The following CCNA2 variants were observed in gnomAD, a reference collection of about 807,000 sequenced individuals.
CCNA2 encodes the protein cyclin A2, also known as cyclin-A2.
Under a neutral mutation model 49.4 loss-of-function variants are expected in CCNA2, and 3 were observed. That is an observed-to-expected ratio of 0.06 (90% CI 0.03 to 0.16). The LOEUF is 0.16. Ranked by LOEUF, CCNA2 falls within the 10% of genes least tolerant of loss-of-function variation. The pLI is 1.00. For missense variants in CCNA2, 372 were observed against 519.7 expected (o/e 0.72, Z 2.76); for synonymous variants, 206 against 197.2 (o/e 1.04, Z -0.37).
chr4:121,821,005 T>C lies in CCNA2; in HGVS notation c.544A>G (p.Ile182Val). The change falls in exon 3 of 8, where the codon ATT (isoleucine) becomes GTT (valine). Residue 182 changes from isoleucine to valine, a missense_variant. This residue lies in a region of CCNA2 where 155 missense variants were observed against 288.1 expected (regional missense o/e 0.54). Coordinates refer to ENST00000274026, the MANE Select transcript of CCNA2 (RefSeq NM_001237.5). ...VNEVPDYHEDIHTYLREMEVK... is the reference protein window; with the variant it reads ...VNEVPDYHEDVHTYLREMEVK... ...TCCATTTCCCTAAGGTATGTGTGAATATCCTCATGGTAGTCTGGTACTTCA... is the reference window on the plus strand; with the variant it reads ...TCCATTTCCCTAAGGTATGTGTGAACATCCTCATGGTAGTCTGGTACTTCA... The C allele has an allele frequency of 6.2e-7, 1 of 1,612,958 alleles. No homozygotes were observed. The highest frequency in any genetic ancestry group is 8.5e-7 in the Non-Finnish European group (1 of 1,179,066).
In CCNA2 at chr4:121,816,971, A is replaced by AAAT. The variant is rs1433381693; in HGVS notation, c.*664_*666dup. 3.6e-6 allele frequency: 4 copies of AAAT among 1,117,402 alleles called. No individual in the cohort carries two copies. The highest frequency in any genetic ancestry group is 2.1e-5 in the South Asian group (1 of 48,122). The allele number at this position is 1,117,402 out of a possible 1,614,324, so 69.2% of individuals were successfully genotyped here. A position where few individuals can be genotyped will look rare whatever the true frequency, so the allele number is the denominator to read the frequency against. On this transcript the variant is annotated 3_prime_UTR_variant, in exon 8 of 8. Transcript: ENST00000274026. ...ATTATAAAATCTAGCAGGATTTTAA[A>AAAT]AATAGTTTTTTGTTTTTAATGTGCT...
rs918725360 is a variant in CCNA2 at position 121,823,574 on chromosome 4, G to C, written c.55C>G (p.Leu19Val). The stretch of plus-strand genomic sequence containing the variant: ...TGGAGCGCCGTCTGCTGCAATGCTA[G>C]CAGCGCCGAGCCCGCCTCGCGGGTC... ...PATREAGSALLALQQTALQED... is the reference protein window; with the variant it reads ...PATREAGSALVALQQTALQED... Residue 19 changes from leucine to valine, a missense_variant, in exon 1 of 8, where the codon CTA becomes GTA. Leu to Val is a conservative substitution (Grantham distance 32). Around this residue, in one of 2 missense-constraint regions of CCNA2, gnomAD observed 217 missense variants for 231.7 expected, o/e 0.94. Transcript: ENST00000274026. 38 of 1,608,652 alleles carry C rather than the reference G, an allele frequency of 2.4e-5. No homozygotes were observed. The highest frequency in any genetic ancestry group is 3.1e-5 in the Non-Finnish European group (37 of 1,178,822).
At chr4:121,818,277 A>T in intron 6 of CCNA2, 100 bp from the exon 7 acceptor site, 1 of 1,059,432 alleles carries the variant, frequency 9.4e-7, no homozygotes, top group South Asian at 1.7e-5. Context: ...TCCAGTACTA[A>T]TCTTTAACTT....
chr4:121,819,234 C>A (rs971431010), intron 5 of CCNA2, 138 bp downstream of exon 5: 1 of 661,528 alleles, frequency 1.5e-6, no homozygotes, highest in African/African-American at 1.8e-5. Context: ...TTCCATACTG[C>A]AGCATTAATC....
intron 5 of CCNA2, 64 bp from the exon 6 acceptor site, chr4:121,818,977 T>C: frequency 9.4e-7 from 1 of 1,062,244 alleles, no homozygotes; most frequent in Non-Finnish European, 1.4e-6. Flanking sequence ...ACCTCTGCCT[T>C]CTAACCTAAT....
rs1487379797 is a variant in CCNA2, at chr4:121,820,132, G to A, written c.794+410C>T. 2.0e-5 allele frequency among the ~76,000 whole-genome samples: 3 copies of A among 151,768 alleles called. No individual in the cohort carries two copies. Among genetic ancestry groups the A allele is most frequent in the Non-Finnish European group, 4.4e-5 (3 of 67,916 alleles). On this transcript the variant is annotated intron_variant, in intron 4 of 7. Coordinates refer to ENST00000274026, the MANE Select transcript of CCNA2 (RefSeq NM_001237.5). The surrounding 1 kb of genome is among the most constrained non-coding windows in gnomAD (Gnocchi z 4.1). ...ATTTTTGTATTTTTAGTAGAGACAG[G>A]GTTTCGCCATGATGGCCAGGCTGGT...
chr4:121,823,385 A>C (rs767930012), intron 1 of CCNA2, 31 bp downstream of exon 1: 1 of 1,584,598 alleles, frequency 6.3e-7, no homozygotes, highest in South Asian at 1.1e-5. Flanking sequence ...TGCTCGACCC[A>C]CCCTCCTGCA....
chr4:121,817,475 T>TA lies in CCNA2; in HGVS notation c.*162dup, dbSNP rs1724568473. ...CTAAGACAGATACATATACAAAAGATATACAAATTAAAACCATTTAAAAAG... is the reference window on the plus strand; with the variant it reads ...CTAAGACAGATACATATACAAAAGATAATACAAATTAAAACCATTTAAAAAG... On this transcript the variant is annotated 3_prime_UTR_variant, in exon 8 of 8. Transcript: ENST00000274026. The TA allele has an allele frequency of 1.3e-6, 1 of 743,488 alleles. No homozygotes were observed. The highest frequency in any genetic ancestry group is 2.1e-6 in the Non-Finnish European group (1 of 481,168). 46.1% of individuals were successfully genotyped at this position (743,488 alleles called of 1,614,324 possible). A position where few individuals can be genotyped will look rare whatever the true frequency, so the allele number is the denominator to read the frequency against.
In CCNA2 at chr4:121,823,460, T is replaced by C. The variant is rs1422701744; in HGVS notation, c.169A>G (p.Asn57Asp). 1 of 1,613,450 alleles carries C rather than the reference T, an allele frequency of 6.2e-7. No homozygotes were observed. The highest frequency in any genetic ancestry group is 1.1e-5 in the South Asian group (1 of 90,936). The change falls in exon 1 of 8, where the codon AAC becomes GAC. Residue 57 changes from asparagine (N) to aspartate (D), a missense_variant. Around this residue, in one of 2 missense-constraint regions of CCNA2, gnomAD observed 217 missense variants for 231.7 expected, o/e 0.94. Transcript: ENST00000274026. ...RAALAVLKSG[N>D]PRGLAQQQRP... ...TGCTGCTGCGCTAGACCCCGCGGGT[T>C]CCCGGACTTCAGTACCGCCAGCGCG... is the stretch of plus-strand genomic sequence containing the variant.
chr4:121,819,297 CT>C (rs1553929459), intron 5 of CCNA2, 74 bp downstream of exon 5: 1 of 1,112,552 alleles, frequency 9.0e-7, no homozygotes, highest in Non-Finnish European at 1.3e-6. Flanking sequence ...AACTAGGTTC[CT>C]TTACAAAGGA....
rs1724549142 is a variant in CCNA2 at position 121,817,065 on chromosome 4, A to C, written c.*573T>G. Reference sequence around the variant, plus strand: ...GCATATAAGCTTCCCACCCTCTTCCACTCCCAACCTCTGTTGAGTTTACCT... The same window carrying C: ...GCATATAAGCTTCCCACCCTCTTCCCCTCCCAACCTCTGTTGAGTTTACCT... On this transcript the variant is annotated 3_prime_UTR_variant, in exon 8 of 8. Coordinates refer to ENST00000274026, the MANE Select transcript of CCNA2 (RefSeq NM_001237.5). 2.0e-6 allele frequency: 1 copy of C among 504,122 alleles called. No homozygotes were observed. The highest frequency in any genetic ancestry group is 3.4e-6 in the Non-Finnish European group (1 of 291,788). 31.2% of individuals were successfully genotyped at this position (504,122 alleles called of 1,614,324 possible).
chr4:121,819,428 T>C lies in CCNA2; in HGVS notation c.946A>G (p.Thr316Ala). ...LAAPTVNQFL[T>A]QYFLHQQPAN... ...GGCTGCTGATGCAGAAAGTATTGGG[T>C]AAGAAACTGATTTACTGTTGGAGCA... Residue 316 changes from threonine to alanine, a missense_variant, in exon 5 of 8, where the codon ACC (threonine) becomes GCC (alanine). This residue lies in a region of CCNA2 where 155 missense variants were observed against 288.1 expected (regional missense o/e 0.54). Coordinates refer to ENST00000274026, the MANE Select transcript of CCNA2 (RefSeq NM_001237.5). 1 of 1,614,130 alleles carries C rather than the reference T, an allele frequency of 6.2e-7. No homozygotes were observed.
In CCNA2 at chr4:121,822,482, C is replaced by T. The variant is rs145812656; in HGVS notation, c.378G>A (p.Leu126=). The change falls in exon 2 of 8, where the codon CTG becomes CTA. Residue 126 remains leucine (L), a synonymous_variant. Coordinates refer to ENST00000274026, the MANE Select transcript of CCNA2 (RefSeq NM_001237.5). ...ESQKIEREDA[L]AFNSAISLPG... is the part of the protein sequence containing the mutation. The stretch of plus-strand genomic sequence containing the variant: ...GTAAACTAATGGCTGAATTAAAAGC[C>T]AGGGCATCTTCACGCTCTATTTTTT... 160 of 1,614,094 alleles carry T rather than the reference C, an allele frequency of 9.9e-5. 1 individual carries two copies. The African/African-American group carries it at 1.9e-3, about 19-fold the overall frequency.
chr4:121,817,092 GCAAAACCTAAA>G lies in CCNA2; in HGVS notation c.*535_*545del. On this transcript the variant is annotated 3_prime_UTR_variant, in exon 8 of 8. Coordinates refer to ENST00000274026, the MANE Select transcript of CCNA2 (RefSeq NM_001237.5). Reference sequence around the variant, plus strand: ...TCCCAACCTCTGTTGAGTTTACCTCGCAAAACCTAAACAAACAGGTTTTACAAAGAGCGAAA... The same window carrying G: ...TCCCAACCTCTGTTGAGTTTACCTCGCAAACAGGTTTTACAAAGAGCGAAA... 2.4e-6 allele frequency: 1 copy of G among 424,478 alleles called. No individual in the cohort carries two copies. Among genetic ancestry groups the G allele is most frequent in the Non-Finnish European group, 4.2e-6 (1 of 240,466 alleles). The allele number at this position is 424,478 out of a possible 1,614,324, so 26.3% of individuals were successfully genotyped here. A position where few individuals can be genotyped will look rare whatever the true frequency, so the allele number is the denominator to read the frequency against.
rs553346887 is a variant in CCNA2 at position 121,817,746 on chromosome 4, G to A, written c.1251-60C>T. ...ACACTCACTGGGTAAAGGAGATCAT[G>A]GAATAATGTTTGTACTCATGTATTG... is the stretch of plus-strand genomic sequence containing the variant. On this transcript the variant is annotated intron_variant, in intron 7 of 7. Coordinates refer to ENST00000274026, the MANE Select transcript of CCNA2 (RefSeq NM_001237.5). 8.9e-5 allele frequency: 142 copies of A among 1,602,930 alleles called. 1 individual carries two copies. The East Asian group carries it at 3.1e-3, about 35-fold the overall frequency.
rs1307823053 is a variant in CCNA2, at chr4:121,823,717, AAAG to A, written c.-92_-90del. 3 of 1,464,148 alleles carry A rather than the reference AAAG, an allele frequency of 2.0e-6. No individual in the cohort carries two copies. Among genetic ancestry groups the A allele is most frequent in the African/African-American group, 1.4e-5 (1 of 71,194 alleles). The allele number at this position is 1,464,148 out of a possible 1,614,324, so 90.7% of individuals were successfully genotyped here. On this transcript the variant is annotated 5_prime_UTR_variant, in exon 1 of 8. Transcript: ENST00000274026. ...GCCGACCACTCGCACCGACCCGGCC[AAAG>A]AATAGTCGTAGCCGCCGGTCGCAGC...
At position 121,821,095 on chromosome 4, in the gene CCNA2, G is replaced by A. The variant is rs909697729; in HGVS notation, c.458-4C>T. ...ATGTCCATAGTATGTGGTGACTCTG[G>A]GACAATTCAAAAGATATGATTAAAT... On this transcript the variant is annotated splice_region_variant and splice_polypyrimidine_tract_variant and intron_variant, in intron 2 of 7. Transcript: ENST00000274026. 1 of 1,605,934 alleles carries A rather than the reference G, an allele frequency of 6.2e-7. No individual in the cohort carries two copies. The highest frequency in any genetic ancestry group is 8.5e-7 in the Non-Finnish European group (1 of 1,176,930).
Position 121,820,230 on chromosome 4 carries a change from C to T in CCNA2, c.794+312G>A, listed in dbSNP as rs1015942201. Among the ~76,000 whole-genome samples, 7 of 152,096 alleles carry T rather than the reference C, an allele frequency of 4.6e-5. No homozygotes were observed. The South Asian group carries it at 6.2e-4, about 13-fold the overall frequency. On this transcript the variant is annotated intron_variant, in intron 4 of 7. Transcript: ENST00000274026. This position sits in a 1 kb window ranked among gnomAD's most constrained non-coding sequence, Gnocchi z 4.1. ...TGCTGGGATTACAGGCGCGAGCCAC[C>T]GCACCCAGCCTTTACTTCTTAATAA...
At position 121,823,573 on chromosome 4, in the gene CCNA2, A is replaced by C; in HGVS notation, c.56T>G (p.Leu19Arg). Reference sequence around the variant, plus strand: ...TTGGAGCGCCGTCTGCTGCAATGCTAGCAGCGCCGAGCCCGCCTCGCGGGT... The same window carrying C: ...TTGGAGCGCCGTCTGCTGCAATGCTCGCAGCGCCGAGCCCGCCTCGCGGGT... Reference protein sequence around the residue: ...PATREAGSALLALQQTALQED... With the variant: ...PATREAGSALRALQQTALQED... Residue 19 changes from leucine to arginine, a missense_variant, in exon 1 of 8, where the codon CTA becomes CGA. Physicochemically the swap from Leu to Arg is moderately radical, Grantham distance 102 (BLOSUM62 -2). This residue lies in a region of CCNA2 where 217 missense variants were observed against 231.7 expected (regional missense o/e 0.94). Transcript: ENST00000274026. 1 of 1,608,776 alleles carries C rather than the reference A, an allele frequency of 6.2e-7. No homozygotes were observed. The highest frequency in any genetic ancestry group is 8.5e-7 in the Non-Finnish European group (1 of 1,178,812).
Sources: allele counts gnomAD v4.1 joint callset (sites outside exome capture counted in the v4.1 genomes callset), GRCh38; gene constraint gnomAD v4.1.1; regional missense constraint gnomAD v4.1.1; non-coding constraint Gnocchi (gnomAD v3.1); transcripts MANE v1.5; gene names NCBI Gene and HGNC (gene_info 2026-07-23, HGNC 2026-07-21).